CCDC85A: variants seen among roughly 807,000 people sequenced by gnomAD.
The protein encoded by CCDC85A is coiled-coil domain containing 85A.
Under a neutral mutation model 50.2 loss-of-function variants are expected in CCDC85A, and 38 were observed. The observed-to-expected ratio is 0.76, with a 90% CI of 0.58 to 0.99. CCDC85A has a LOEUF of 0.99. Ranked by LOEUF, CCDC85A falls within the 50% of genes least tolerant of loss-of-function variation. The pLI, the probability that CCDC85A is intolerant of heterozygous loss-of-function variation, is 0.00. For missense variants in CCDC85A, 820 were observed against 742.0 expected (o/e 1.11, Z -1.22); for synonymous variants, 366 against 301.4 (o/e 1.21, Z -2.22).
chr2:56,384,172 AT>A (rs1676719517), intron 5 of CCDC85A, 93 bp from the exon 6 acceptor site: 2 of 1,077,214 alleles, frequency 1.9e-6, no homozygotes, highest in Admixed American at 4.1e-5. Flanking sequence ...TCTTTACTTC[AT>A]CTTCGCTCCT....
intron 2 of CCDC85A, among the ~76,000 whole-genome samples, chr2:56,213,470 G>A (rs1677262660): frequency 6.6e-6 from 1 of 151,934 alleles, no homozygotes; most frequent in South Asian, 2.1e-4. Flanking sequence ...AGATTTGTGT[G>A]TAACTTGGAG....
chr2:56,373,745 G>C (rs529204393), intron 4 of CCDC85A, among the ~76,000 whole-genome samples: 1 of 152,216 alleles, frequency 6.6e-6, no homozygotes, highest in African/African-American at 2.4e-5. Flanking sequence ...TGCAATGGTG[G>C]GTCCTAAACA....
chr2:56,316,676 T>A (rs10179998), intron 2 of CCDC85A, among the ~76,000 whole-genome samples: 47,473 of 151,890 alleles, frequency 0.31, 7,956 homozygotes, highest in East Asian at 0.49. Context: ...TTGAGAAATT[T>A]TTTAGTAAGG....
chr2:56,222,289 T>G (rs1183257290), intron 2 of CCDC85A, among the ~76,000 whole-genome samples: 1 of 152,146 alleles, frequency 6.6e-6, no homozygotes, highest in Non-Finnish European at 1.5e-5. Flanking sequence ...AAAAAATGAT[T>G]CCCAATTTAA....
At chr2:56,251,727 AT>A (rs538858833) in intron 2 of CCDC85A, among the ~76,000 whole-genome samples, 21 of 140,624 alleles carry the variant, frequency 1.5e-4, no homozygotes, top group East Asian at 6.2e-4. Context: ...CCTTTTACTG[AT>A]TTTTTTTTTG....
At chr2:56,194,730 C>T (rs1305496495) in intron 2 of CCDC85A, among the ~76,000 whole-genome samples, 3 of 152,190 alleles carry the variant, frequency 2.0e-5, no homozygotes, top group Non-Finnish European at 4.4e-5. Context: ...TGAGAGGCTA[C>T]TGCTTTCTCT....
chr2:56,232,064 G>C (rs1668797391), intron 2 of CCDC85A, among the ~76,000 whole-genome samples: 1 of 151,990 alleles, frequency 6.6e-6, no homozygotes, highest in Non-Finnish European at 1.5e-5. Flanking sequence ...TACCTTATTT[G>C]CATCTTTCTT....
intron 3 of CCDC85A, among the ~76,000 whole-genome samples, chr2:56,353,944 C>A (rs1029995750): frequency 1.3e-5 from 2 of 152,152 alleles, no homozygotes; most frequent in African/African-American, 4.8e-5. Context: ...CACACCAGCC[C>A]AGGTAAAGAT....
chr2:56,364,593 C>G (rs1001582798), intron 3 of CCDC85A, among the ~76,000 whole-genome samples: 2 of 152,152 alleles, frequency 1.3e-5, no homozygotes, highest in African/African-American at 4.8e-5. Context: ...TTATTAATCA[C>G]TTCTTTGATC....
At chr2:56,310,760 G>A (rs1573228112) in intron 2 of CCDC85A, among the ~76,000 whole-genome samples, 1 of 152,130 alleles carries the variant, frequency 6.6e-6, no homozygotes, top group East Asian at 1.9e-4. Context: ...ATTTTTCCAG[G>A]ATGCTAGATG....
Position 56,372,839 on chromosome 2 carries a change from G to T in CCDC85A, c.1452+361G>T, listed in dbSNP as rs200581564. Among the ~76,000 whole-genome samples, 3 of 152,154 alleles carry T rather than the reference G, an allele frequency of 2.0e-5. No homozygotes were observed. The East Asian group carries it at 5.8e-4, about 29-fold the overall frequency. Reference sequence around the variant, plus strand: ...TTTAAAATTGTCTACTGACTGAGAGGTGATGCATGCACTGTGTGATCATGT... The same window carrying T: ...TTTAAAATTGTCTACTGACTGAGAGTTGATGCATGCACTGTGTGATCATGT... On this transcript the variant is annotated intron_variant, in intron 4 of 5. Coordinates refer to ENST00000407595, the MANE Select transcript of CCDC85A (RefSeq NM_001080433.2).
At chr2:56,309,448 A>G (rs1227853781) in intron 2 of CCDC85A, among the ~76,000 whole-genome samples, 1 of 152,190 alleles carries the variant, frequency 6.6e-6, no homozygotes, top group Non-Finnish European at 1.5e-5. Flanking sequence ...TTTATGGTAT[A>G]GTGATAGTTT....
intron 2 of CCDC85A, among the ~76,000 whole-genome samples, chr2:56,244,486 G>A (rs373905229): frequency 2.3e-4 from 35 of 151,922 alleles, no homozygotes; most frequent in African/African-American, 6.3e-4. Flanking sequence ...CTGACCCAGC[G>A]TAGGTACAGA....
At chr2:56,231,631 G>A (rs530480660) in intron 2 of CCDC85A, among the ~76,000 whole-genome samples, 1 of 152,022 alleles carries the variant, frequency 6.6e-6, no homozygotes. Flanking sequence ...TGTAGACCAA[G>A]GTTTTTTAAT....
chr2:56,293,650 G>T (rs979526392), intron 2 of CCDC85A, among the ~76,000 whole-genome samples: 3 of 152,118 alleles, frequency 2.0e-5, no homozygotes, highest in African/African-American at 7.2e-5. Flanking sequence ...CACAGGACAT[G>T]AACAGACACT....
intron 2 of CCDC85A, among the ~76,000 whole-genome samples, chr2:56,330,193 G>A (rs1558644594): frequency 6.6e-6 from 1 of 151,884 alleles, no homozygotes. Context: ...CTGAATAGCT[G>A]TTATAATGGT....
intron 2 of CCDC85A, among the ~76,000 whole-genome samples, chr2:56,280,077 C>G (rs1002768613): frequency 6.6e-6 from 1 of 152,188 alleles, no homozygotes; most frequent in Non-Finnish European, 1.5e-5. Context: ...CTCACCCCCC[C>G]ACCTCTAAAC....
rs540938502 is a variant in CCDC85A, at chr2:56,222,873, C to T, written c.1240+29433C>T. 3.3e-5 allele frequency among the ~76,000 whole-genome samples: 5 copies of T among 152,234 alleles called. No individual in the cohort carries two copies. The South Asian group carries it at 1.0e-3, about 32-fold the overall frequency. On this transcript the variant is annotated intron_variant, in intron 2 of 5. Coordinates refer to ENST00000407595, the MANE Select transcript of CCDC85A (RefSeq NM_001080433.2). Reference sequence around the variant, plus strand: ...TCTACTCAAAATCATTTTTGGAACTCATTTGAAATTGCTTTCAAAAACAAT... The same window carrying T: ...TCTACTCAAAATCATTTTTGGAACTTATTTGAAATTGCTTTCAAAAACAAT...
At chr2:56,337,646 G>A (rs1230595980) in intron 2 of CCDC85A, among the ~76,000 whole-genome samples, 3 of 152,018 alleles carry the variant, frequency 2.0e-5, no homozygotes, top group Non-Finnish European at 4.4e-5. Context: ...TTTCTCCTTC[G>A]TAAGAACTAC....
Sources: gnomAD v4.1 joint callset for allele counts (sites outside exome capture counted in the v4.1 genomes callset) on GRCh38, gnomAD v4.1.1 for gene constraint, MANE v1.5 for transcripts, NCBI Gene and HGNC (gene_info 2026-07-23, HGNC 2026-07-21) for gene names.